AFF3: variants seen among roughly 807,000 people sequenced by gnomAD.
AFF3 encodes AF4/FMR2 family member 3.
A neutral mutation model predicts 129.7 loss-of-function variants in AFF3; 32 were observed. That is an observed-to-expected ratio of 0.25 (90% CI 0.19 to 0.33). The LOEUF is 0.33. Among genes scored for constraint, AFF3 ranks in the 10% least tolerant of loss-of-function variants. The probability of loss-of-function intolerance (pLI) is 1.00; values close to 1 mark genes in which losing one functional copy is unlikely to be tolerated. For missense variants in AFF3, 1,373 were observed against 1,592.0 expected, an observed-to-expected ratio of 0.86 and a Z score of 2.34; for synonymous variants, 644 against 635.4, an observed-to-expected ratio of 1.01 and a Z score of -0.20.
chr2:99,728,994 G>A (rs903317453), intron 10 of AFF3, among the ~76,000 whole-genome samples: 4 of 109,660 alleles, frequency 3.6e-5, no homozygotes, highest in Non-Finnish European at 9.2e-5. Flanking sequence ...CTAAAATAGA[G>A]AGTTATAACA....
chr2:100,053,344 T>C (rs1364227848), intron 4 of AFF3, among the ~76,000 whole-genome samples: 3 of 152,208 alleles, frequency 2.0e-5, no homozygotes, highest in African/African-American at 4.8e-5. Flanking sequence ...GTTCCTAAAA[T>C]GAGATGTTTT....
At chr2:99,913,931 A>C (rs1695276761) in intron 7 of AFF3, among the ~76,000 whole-genome samples, 2 of 152,256 alleles carry the variant, frequency 1.3e-5, no homozygotes, top group Admixed American at 1.3e-4. Flanking sequence ...TTCCTTATAG[A>C]GGAATGCCAA....
intron 7 of AFF3, among the ~76,000 whole-genome samples, chr2:99,939,073 C>T (rs965741755): frequency 6.6e-6 from 1 of 152,242 alleles, no homozygotes; most frequent in African/African-American, 2.4e-5. Flanking sequence ...GTTGCTCTCT[C>T]TCTCTTGGTC....
At chr2:99,930,207 T>C (rs1022484624) in intron 7 of AFF3, among the ~76,000 whole-genome samples, 1 of 152,194 alleles carries the variant, frequency 6.6e-6, no homozygotes, top group African/African-American at 2.4e-5. Flanking sequence ...AAAGTCATAC[T>C]TCCTTTCCTA....
rs781465748 is a variant in AFF3, at chr2:99,594,053, G to A, written c.1608C>T (p.Ala536=). The change falls in exon 15 of 25, where the codon GCC becomes GCT. Residue 536 remains alanine (A), a synonymous_variant. Transcript: ENST00000672756. ...TCKEEQRPRT[A]NKAPGSKGVK... is the part of the protein sequence containing the mutation. The stretch of plus-strand genomic sequence containing the variant: ...CGCCTTTACTCCCAGGGGCCTTGTT[G>A]GCTGTCCTTGGCCTTTGCTCCTCCT... 1 of 1,611,824 alleles carries A rather than the reference G, an allele frequency of 6.2e-7. No homozygotes were observed. Among genetic ancestry groups the A allele is most frequent in the African/African-American group, 1.3e-5 (1 of 74,992 alleles).
At chr2:99,618,542 C>T (rs139081693) in intron 13 of AFF3, among the ~76,000 whole-genome samples, 1,723 of 152,168 alleles carry the variant, frequency 0.011, 29 homozygotes, top group African/African-American at 0.039. Flanking sequence ...AGCCTCATAA[C>T]ATTCTTAACA....
intron 4 of AFF3, among the ~76,000 whole-genome samples, chr2:100,062,001 T>C (rs755752310): frequency 6.6e-6 from 1 of 152,138 alleles, no homozygotes; most frequent in Admixed American, 6.5e-5. Context: ...CTAGCTAAAA[T>C]TGCACTGGGA....
intron 8 of AFF3, among the ~76,000 whole-genome samples, chr2:99,807,046 C>G (rs530576967): frequency 4.6e-5 from 7 of 152,308 alleles, no homozygotes; most frequent in East Asian, 1.9e-4. Flanking sequence ...CCTAACCCCC[C>G]ACATTCCCTG....
chr2:99,900,224 TG>T (rs998818008), intron 7 of AFF3, among the ~76,000 whole-genome samples: 2 of 152,156 alleles, frequency 1.3e-5, no homozygotes, highest in African/African-American at 4.8e-5. Flanking sequence ...AACAAAGTGA[TG>T]ATGATGAAAG....
chr2:100,025,295 C>T (rs1006558379), intron 4 of AFF3, among the ~76,000 whole-genome samples: 3 of 151,882 alleles, frequency 2.0e-5, no homozygotes, highest in Non-Finnish European at 4.4e-5. Context: ...ACCTCTTTTA[C>T]AATAGCTGCA....
chr2:99,988,603 T>G (rs914352421), intron 7 of AFF3, among the ~76,000 whole-genome samples: 1 of 152,196 alleles, frequency 6.6e-6, no homozygotes, highest in African/African-American at 2.4e-5. Flanking sequence ...CAAGTACATT[T>G]GGGAAATGCT....
intron 7 of AFF3, among the ~76,000 whole-genome samples, chr2:99,914,005 T>A (rs1441655821): frequency 6.6e-6 from 1 of 152,174 alleles, no homozygotes; most frequent in Non-Finnish European, 1.5e-5. Context: ...ACCACTGTAT[T>A]AATTGCTTCT....
At chr2:100,045,159 G>C (rs899869341) in intron 4 of AFF3, among the ~76,000 whole-genome samples, 1 of 152,138 alleles carries the variant, frequency 6.6e-6, no homozygotes, top group Non-Finnish European at 1.5e-5. Context: ...CAGAGGTGGG[G>C]AAGGGGAGGA....
intron 4 of AFF3, among the ~76,000 whole-genome samples, chr2:100,032,298 G>A (rs1317611000): frequency 3.3e-5 from 5 of 151,926 alleles, no homozygotes; most frequent in African/African-American, 1.2e-4. Flanking sequence ...GTGTGGTGGC[G>A]GGCACCTGTA....
At chr2:99,952,612 T>G (rs940384661) in intron 7 of AFF3, among the ~76,000 whole-genome samples, 3 of 152,128 alleles carry the variant, frequency 2.0e-5, no homozygotes, top group Non-Finnish European at 4.4e-5. Flanking sequence ...ATTAGAAAGA[T>G]GAATACATCA....
chr2:99,889,817 C>T (rs2106071711), intron 7 of AFF3, among the ~76,000 whole-genome samples: 1 of 152,250 alleles, frequency 6.6e-6, no homozygotes, highest in East Asian at 1.9e-4. Context: ...TGCCACCACA[C>T]CAGGCTAATT....
intron 8 of AFF3, among the ~76,000 whole-genome samples, chr2:99,837,169 TAGC>T (rs1442452052): frequency 6.6e-6 from 1 of 152,168 alleles, no homozygotes; most frequent in Non-Finnish European, 1.5e-5. Context: ...TGCTTTTAAA[TAGC>T]AGGGTGATAA....
intron 9 of AFF3, among the ~76,000 whole-genome samples, chr2:99,750,305 T>C (rs1388281196): frequency 6.6e-6 from 1 of 150,938 alleles, no homozygotes; most frequent in Non-Finnish European, 1.5e-5. Flanking sequence ...AAAATGCAAA[T>C]GAAAACAACA....
intron 7 of AFF3, among the ~76,000 whole-genome samples, chr2:99,859,475 A>T (rs1377986846): frequency 6.6e-6 from 1 of 152,226 alleles, no homozygotes; most frequent in East Asian, 1.9e-4. Flanking sequence ...GGAAATTCTT[A>T]TATTACAACC....
Sources: allele counts gnomAD v4.1 joint callset (sites outside exome capture counted in the v4.1 genomes callset), GRCh38; gene constraint gnomAD v4.1.1; transcripts MANE v1.5; gene names NCBI Gene and HGNC (gene_info 2026-07-23, HGNC 2026-07-21).